The following KALRN variants were observed in gnomAD, a reference collection of about 807,000 sequenced individuals.
KALRN encodes kalirin.
A neutral mutation model predicts 353.7 loss-of-function variants in KALRN; 70 were observed. The ratio of observed to expected loss-of-function variants is 0.20; its 90% CI spans 0.16 to 0.24. KALRN has a LOEUF of 0.24. KALRN is among the 10% of genes least tolerant of loss of function. The pLI, the probability that KALRN is intolerant of heterozygous loss-of-function variation, is 1.00. For synonymous variants in KALRN, 1,391 were observed against 1,434.8 expected, an observed-to-expected ratio of 0.97 and a Z score of 0.69; for missense variants, 2,791 against 3,756.7, an observed-to-expected ratio of 0.74 and a Z score of 6.72.
At chr3:124,621,183 T>C (rs1315829426) in intron 34 of KALRN, among the ~76,000 whole-genome samples, 1 of 152,142 alleles carries the variant, frequency 6.6e-6, no homozygotes, top group African/African-American at 2.4e-5. Context: ...CAGATATCTG[T>C]ACACATTCTG....
chr3:124,670,959 T>TC (rs2150363130), intron 47 of KALRN, among the ~76,000 whole-genome samples: 2 of 152,194 alleles, frequency 1.3e-5, no homozygotes, highest in African/African-American at 4.8e-5. Context: ...GTCTCATCTC[T>TC]CCCGACCTCA....
intron 44 of KALRN, 114 bp downstream of exon 44, chr3:124,661,087 A>G (rs920135381): frequency 2.5e-6 from 2 of 797,002 alleles, no homozygotes; most frequent in African/African-American, 3.4e-5. Context: ...CCCCTCTCAG[A>G]CAGTAAGAGG....
chr3:124,179,303 CAAAT>C (rs1260383078), intron 1 of KALRN, among the ~76,000 whole-genome samples: 2 of 151,506 alleles, frequency 1.3e-5, no homozygotes, highest in African/African-American at 4.9e-5. Flanking sequence ...TTTTTTTTAA[CAAAT>C]AAATACACAA....
At chr3:124,362,984 T>C (rs1436741383) in intron 10 of KALRN, among the ~76,000 whole-genome samples, 2 of 152,208 alleles carry the variant, frequency 1.3e-5, no homozygotes, top group Non-Finnish European at 2.9e-5. Context: ...CTTTGCAAGT[T>C]TATAAAGTTA....
chr3:124,168,674 T>G (rs894846876), intron 1 of KALRN, among the ~76,000 whole-genome samples: 3 of 152,224 alleles, frequency 2.0e-5, no homozygotes, highest in Admixed American at 6.5e-5. Flanking sequence ...ACTTTCCGTC[T>G]GCTTCCTCTC....
At chr3:124,623,782 CTCAATATTAACCA>C (rs954314433) in intron 34 of KALRN, among the ~76,000 whole-genome samples, 1 of 152,114 alleles carries the variant, frequency 6.6e-6, no homozygotes, top group African/African-American at 2.4e-5. Flanking sequence ...CAGGTTGATA[CTCAATATTAACCA>C]TCACACTAAT....
chr3:124,578,577 C>A (rs559132716), intron 34 of KALRN, among the ~76,000 whole-genome samples: 2 of 152,298 alleles, frequency 1.3e-5, no homozygotes, highest in East Asian at 3.9e-4. Flanking sequence ...TCAGCCATGA[C>A]TTCACATTGA....
chr3:124,285,815 C>T (rs552688571), intron 5 of KALRN, among the ~76,000 whole-genome samples: 2 of 152,296 alleles, frequency 1.3e-5, no homozygotes, highest in East Asian at 1.9e-4. Flanking sequence ...GGATTACAGG[C>T]GTGAGCCACT....
chr3:124,602,438 C>T (rs1254878772), intron 34 of KALRN, among the ~76,000 whole-genome samples: 1 of 152,134 alleles, frequency 6.6e-6, no homozygotes, highest in Non-Finnish European at 1.5e-5. Flanking sequence ...GAAATGGATG[C>T]TGGGGAGATG....
chr3:124,617,191 G>T lies in KALRN; in HGVS notation c.5183-15229G>T, dbSNP rs529073807. ...TACAAAAAATTTAAAAAAATTAGCTGGGCATGGTGGCATGAGGCTATAGTC... is the reference window on the plus strand; with the variant it reads ...TACAAAAAATTTAAAAAAATTAGCTTGGCATGGTGGCATGAGGCTATAGTC... On this transcript the variant is annotated intron_variant, in intron 34 of 59. Transcript: ENST00000682506. Among the ~76,000 whole-genome samples the T allele has an allele frequency of 1.3e-5, 2 of 152,162 alleles. 1 individual carries two copies. Among genetic ancestry groups the T allele is most frequent in the South Asian group, 4.2e-4 (2 of 4,818 alleles).
intron 1 of KALRN, among the ~76,000 whole-genome samples, chr3:124,208,476 GC>G (rs1223030782): frequency 6.6e-6 from 1 of 152,134 alleles, no homozygotes; most frequent in Non-Finnish European, 1.5e-5. Context: ...TAAAGGAAGG[GC>G]AGATAGCTCA....
chr3:124,325,439 G>A (rs1357129684), intron 6 of KALRN, among the ~76,000 whole-genome samples: 1 of 152,204 alleles, frequency 6.6e-6, no homozygotes, highest in Admixed American at 6.5e-5. Context: ...AAGGAGGTAG[G>A]AGGAAGGTGG....
chr3:124,252,442 G>C (rs985444760), intron 3 of KALRN, among the ~76,000 whole-genome samples: 3 of 152,196 alleles, frequency 2.0e-5, no homozygotes, highest in Non-Finnish European at 4.4e-5. Context: ...ACGCATCTAT[G>C]AGGCAAGATA....
rs574610612 is a variant in KALRN at position 124,191,332 on chromosome 3, G to A, written c.74-36658G>A. 6.6e-5 allele frequency among the ~76,000 whole-genome samples: 10 copies of A among 152,284 alleles called. No individual in the cohort carries two copies. The East Asian group carries it at 1.9e-3, about 29-fold the overall frequency. ...TGCCCCACTCCTGAAGTTGCAGGAT[G>A]GGGCTGAAAGTCCCAACCTTCTAAT... On this transcript the variant is annotated intron_variant, in intron 1 of 59. Coordinates refer to ENST00000682506, the MANE Select transcript of KALRN (RefSeq NM_001388419.1).
At chr3:124,235,850 G>T (rs1411094204) in intron 3 of KALRN, among the ~76,000 whole-genome samples, 2 of 152,246 alleles carry the variant, frequency 1.3e-5, no homozygotes, top group African/African-American at 4.8e-5. Flanking sequence ...TTTTATAGAA[G>T]AATTAGTGAA....
At chr3:124,658,637 A>G (rs2084406859) in intron 42 of KALRN, 120 bp downstream of exon 42, 1 of 751,240 alleles carries the variant, frequency 1.3e-6, no homozygotes, top group Non-Finnish European at 2.4e-6. Context: ...CCGTTGACCC[A>G]TTCATGGCAG....
intron 1 of KALRN, among the ~76,000 whole-genome samples, chr3:124,198,077 T>C (rs1186624971): frequency 6.6e-6 from 1 of 152,232 alleles, no homozygotes; most frequent in Non-Finnish European, 1.5e-5. Context: ...CAATGAGGTA[T>C]TACTTCTCTT....
intron 33 of KALRN, among the ~76,000 whole-genome samples, chr3:124,508,948 T>G (rs750056410): frequency 6.6e-6 from 1 of 152,172 alleles, no homozygotes; most frequent in Non-Finnish European, 1.5e-5. Flanking sequence ...GGGCCTTTGA[T>G]TTTCTCTTTT....
Position 124,436,891 on chromosome 3 carries a change from GA to G in KALRN, c.3049-1996del, listed in dbSNP as rs2093482335. On this transcript the variant is annotated intron_variant, in intron 17 of 59. Coordinates refer to ENST00000682506, the MANE Select transcript of KALRN (RefSeq NM_001388419.1). The stretch of plus-strand genomic sequence containing the variant: ...AGTTTGGTGACAGATCTTCTCATGT[GA>G]TGCTAGAGATGGGACTAGGGAAGTC... 1.3e-4 allele frequency among the ~76,000 whole-genome samples: 19 copies of G among 145,744 alleles called. 1 individual carries two copies. Among genetic ancestry groups the G allele is most frequent in the Middle Eastern group, 3.7e-3 (1 of 270 alleles).
Sources: gnomAD v4.1 joint callset for allele counts (sites outside exome capture counted in the v4.1 genomes callset) on GRCh38, gnomAD v4.1.1 for gene constraint, MANE v1.5 for transcripts, NCBI Gene and HGNC (gene_info 2026-07-23, HGNC 2026-07-21) for gene names.